Variants in OCA2 observed in about 807,000 individuals in gnomAD.
OCA2 encodes the protein P protein.
Under a neutral mutation model 100.2 loss-of-function variants are expected in OCA2, and 77 were observed. The observed-to-expected ratio is 0.77, with a 90% CI of 0.64 to 0.93. The LOEUF (loss-of-function observed/expected upper bound fraction) is 0.93, where lower values mean the gene tolerates loss of function less well. Ranked by LOEUF, OCA2 falls within the 40% of genes least tolerant of loss-of-function variation. OCA2 has a pLI of 0.00. For synonymous variants in OCA2, 432 were observed against 439.2 expected, an observed-to-expected ratio of 0.98 and a Z score of 0.21; for missense variants, 1,062 against 1,089.1, an observed-to-expected ratio of 0.98 and a Z score of 0.35.
At chr15:27,951,916 A>AT (rs1422542890) in intron 17 of OCA2, 24 bp from the exon 18 acceptor site, 2 of 1,500,926 alleles carry the variant, frequency 1.3e-6, no homozygotes, top group Non-Finnish European at 1.9e-6. Flanking sequence ...ACCACAGCTC[A>AT]TTTACTCTGC....
At chr15:27,953,524 G>A (rs543035694) in intron 17 of OCA2, among the ~76,000 whole-genome samples, 4 of 152,312 alleles carry the variant, frequency 2.6e-5, no homozygotes, top group Admixed American at 6.5e-5. Flanking sequence ...AGAGTGATGC[G>A]GATTCTCACC....
At chr15:27,870,438 C>T (rs187824035) in intron 21 of OCA2, among the ~76,000 whole-genome samples, 1 of 152,270 alleles carries the variant, frequency 6.6e-6, no homozygotes, top group East Asian at 1.9e-4. Flanking sequence ...CTGCCCTGAG[C>T]CAAGCAATCA....
chr15:27,731,392 T>A, the OCA2 span, among the ~76,000 whole-genome samples: 10 of 152,326 alleles, frequency 6.6e-5, no homozygotes, highest in South Asian at 1.4e-3. Context: ...ATATATATAT[T>A]TCAAATTACA....
At chr15:28,034,705 A>G (rs113206373) in intron 2 of OCA2, among the ~76,000 whole-genome samples, 97 of 152,128 alleles carry the variant, frequency 6.4e-4, no homozygotes, top group African/African-American at 2.3e-3. Flanking sequence ...TGAGCCTGAG[A>G]GGTCAAACCT....
chr15:27,939,308 T>A (rs2039564942), intron 18 of OCA2, among the ~76,000 whole-genome samples: 1 of 152,244 alleles, frequency 6.6e-6, no homozygotes, highest in Non-Finnish European at 1.5e-5. Context: ...TGGCCATGTT[T>A]ATGATGAGTA....
At chr15:27,798,831 C>T (rs567062924) in intron 23 of OCA2, among the ~76,000 whole-genome samples, 1 of 152,198 alleles carries the variant, frequency 6.6e-6, no homozygotes, top group South Asian at 2.1e-4. Flanking sequence ...TTTGGATTTA[C>T]AAAGCATTTA....
chr15:28,047,990 A>C (rs566491320), intron 2 of OCA2, among the ~76,000 whole-genome samples: 1 of 152,340 alleles, frequency 6.6e-6, no homozygotes, highest in South Asian at 2.1e-4. Flanking sequence ...CTATCTGAAA[A>C]AGGAAATTAA....
chr15:27,902,408 T>C (rs1201858362), intron 19 of OCA2, among the ~76,000 whole-genome samples: 2 of 152,260 alleles, frequency 1.3e-5, no homozygotes, highest in East Asian at 1.9e-4. Context: ...ATCATAATTA[T>C]AGATTGACTA....
intron 23 of OCA2, among the ~76,000 whole-genome samples, chr15:27,831,969 C>T (rs578157243): frequency 6.6e-6 from 1 of 151,932 alleles, no homozygotes; most frequent in Non-Finnish European, 1.5e-5. Flanking sequence ...CGTCTCCAGC[C>T]CCCCGTGCTC....
intron 3 of OCA2, among the ~76,000 whole-genome samples, chr15:28,029,161 C>T: frequency 1.3e-5 from 2 of 152,288 alleles, no homozygotes; most frequent in South Asian, 4.1e-4. Context: ...GGAGCCAGCT[C>T]AATGGGGCAT....
intron 13 of OCA2, among the ~76,000 whole-genome samples, chr15:27,984,515 T>C (rs1251749785): frequency 6.6e-6 from 1 of 152,212 alleles, no homozygotes; most frequent in Non-Finnish European, 1.5e-5. Flanking sequence ...CAGGGACTCC[T>C]GGCACCTGGG....
intron 2 of OCA2, among the ~76,000 whole-genome samples, chr15:28,044,347 T>C (rs1434749465): frequency 6.6e-6 from 1 of 152,204 alleles, no homozygotes; most frequent in Non-Finnish European, 1.5e-5. Flanking sequence ...AGTGACACAG[T>C]GGCTAGGTAT....
At chr15:27,896,801 G>T (rs1046585506) in intron 19 of OCA2, among the ~76,000 whole-genome samples, 5 of 152,286 alleles carry the variant, frequency 3.3e-5, no homozygotes, top group Admixed American at 1.3e-4. Flanking sequence ...TTTTTGAGGA[G>T]AAATTTAAGC....
chr15:28,096,479 G>A (rs2044985916), intron 1 of OCA2, among the ~76,000 whole-genome samples: 2 of 152,204 alleles, frequency 1.3e-5, no homozygotes, highest in South Asian at 4.1e-4. Context: ...GAGGGGGCAG[G>A]AGAAGCCCTG....
intron 21 of OCA2, among the ~76,000 whole-genome samples, chr15:27,855,991 G>A (rs768546): frequency 0.24 from 36,330 of 152,074 alleles, 5,183 homozygotes; most frequent in East Asian, 0.56. Context: ...CTCTGAAGGC[G>A]AGAGTGTGAA....
At chr15:27,804,315 G>A (rs192787820) in intron 23 of OCA2, among the ~76,000 whole-genome samples, 21 of 152,290 alleles carry the variant, frequency 1.4e-4, no homozygotes, top group African/African-American at 5.1e-4. Flanking sequence ...CTCATTGATT[G>A]TGAATTCTAA....
chr15:27,929,140 AAACT>A (rs2039153626), intron 18 of OCA2, among the ~76,000 whole-genome samples: 1 of 152,234 alleles, frequency 6.6e-6, no homozygotes. Context: ...AGAAATTAAC[AAACT>A]GATTCTAAAA....
At chr15:28,047,384 T>A (rs2043377980) in intron 2 of OCA2, among the ~76,000 whole-genome samples, 1 of 152,196 alleles carries the variant, frequency 6.6e-6, no homozygotes, top group African/African-American at 2.4e-5. Context: ...CCTCTCCAGC[T>A]TGGCATGATT....
the OCA2 span, among the ~76,000 whole-genome samples, chr15:27,743,096 C>T: frequency 5.3e-5 from 8 of 152,226 alleles, no homozygotes; most frequent in Non-Finnish European, 8.8e-5. Context: ...TAGCACATCT[C>T]GCCTCTTAGC....
Sources: allele counts gnomAD v4.1 joint callset (sites outside exome capture counted in the v4.1 genomes callset), GRCh38; gene constraint gnomAD v4.1.1; transcripts MANE v1.5; gene names NCBI Gene and HGNC (gene_info 2026-07-23, HGNC 2026-07-21).